The following HDAC8 variants were observed in gnomAD, a reference collection of about 807,000 sequenced individuals.
HDAC8 encodes the protein histone deacetylase 8.
A neutral mutation model predicts 32.2 loss-of-function variants in HDAC8; 1 was observed. The ratio of observed to expected loss-of-function variants is 0.03; its 90% CI spans 0.01 to 0.15. HDAC8 has a LOEUF of 0.15. Ranked by LOEUF, HDAC8 falls within the 10% of genes least tolerant of loss-of-function variation. HDAC8 has a pLI of 1.00. For missense variants in HDAC8, 117 were observed against 300.0 expected (o/e 0.39, Z 4.51); for synonymous variants, 108 against 113.9 (o/e 0.95, Z 0.33).
chrX:72,496,332 GAC>G (rs2049018251), intron 4 of HDAC8, among the ~76,000 whole-genome samples: 1 of 109,959 alleles, frequency 9.1e-6, no homozygotes, highest in Non-Finnish European at 1.9e-5. Flanking sequence ...GAATCAATAA[GAC>G]ATGTACACTG....
intron 9 of HDAC8, among the ~76,000 whole-genome samples, chrX:72,412,505 A>C (rs2046222145): frequency 8.9e-6 from 1 of 111,893 alleles, no homozygotes; most frequent in Non-Finnish European, 1.9e-5. Context: ...GGTAGCACCC[A>C]CACTTCTGCA....
rs192008806 is a variant in HDAC8 at position 72,441,325 on chromosome X, C to A, written c.1005+20679G>T. On this transcript the variant is annotated intron_variant, in intron 9 of 10. Coordinates refer to ENST00000373573, the MANE Select transcript of HDAC8 (RefSeq NM_018486.3). ...CTGACACCTCACACGGCCGGGTACT[C>A]CTCTGAGACAAAACTTCCAGAGGAA... Among the ~76,000 whole-genome samples, 9 of 111,989 alleles carry A rather than the reference C, an allele frequency of 8.0e-5. No homozygotes were observed. The East Asian group carries it at 2.5e-3, about 32-fold the overall frequency.
At chrX:72,539,294 C>T (rs2050625489) in intron 4 of HDAC8, among the ~76,000 whole-genome samples, 2 of 111,380 alleles carry the variant, frequency 1.8e-5, no homozygotes. Flanking sequence ...TGCAGTGGCA[C>T]GATCTCCGCT....
At chrX:72,473,835 C>T (rs1226022550) in intron 7 of HDAC8, 2 of 752,990 alleles carry the variant, frequency 2.7e-6, no homozygotes, top group Admixed American at 8.7e-5. Context: ...CCTTCAGTGG[C>T]TCCCAAAATG....
At chrX:72,504,026 AT>A (rs1466705937) in intron 4 of HDAC8, among the ~76,000 whole-genome samples, 3 of 112,273 alleles carry the variant, frequency 2.7e-5, no homozygotes, top group African/African-American at 9.7e-5. Flanking sequence ...GGCTTTTAAA[AT>A]TTCAAATTCA....
chrX:72,442,618 C>T (rs1555982473), intron 9 of HDAC8, among the ~76,000 whole-genome samples: 3 of 111,879 alleles, frequency 2.7e-5, no homozygotes, highest in Non-Finnish European at 5.6e-5. Context: ...TAGGAAGAAA[C>T]TGCATCAACT....
intron 5 of HDAC8, among the ~76,000 whole-genome samples, chrX:72,491,601 T>C (rs1556009725): frequency 8.9e-6 from 1 of 112,267 alleles, no homozygotes; most frequent in Non-Finnish European, 1.9e-5. Flanking sequence ...CATGGAAGGC[T>C]GAAAACAGCC....
intron 9 of HDAC8, among the ~76,000 whole-genome samples, chrX:72,438,209 G>C (rs1371193454): frequency 8.9e-6 from 1 of 111,985 alleles, no homozygotes; most frequent in East Asian, 2.8e-4. Flanking sequence ...ACAGCGTCTG[G>C]AGTGGACCTC....
At chrX:72,475,872 G>A (rs1282909575) in intron 7 of HDAC8, among the ~76,000 whole-genome samples, 5 of 110,963 alleles carry the variant, frequency 4.5e-5, no homozygotes, top group South Asian at 3.9e-4. Flanking sequence ...TATCCCTTTC[G>A]CTGTTTTAAT....
At chrX:72,556,248 A>C (rs1556092902) in intron 4 of HDAC8, among the ~76,000 whole-genome samples, 15 of 112,206 alleles carry the variant, frequency 1.3e-4, no homozygotes. Context: ...GAATTGCTAA[A>C]AATAAGCATA....
At chrX:72,340,876 A>T (rs185128995) in intron 10 of HDAC8, among the ~76,000 whole-genome samples, 1 of 111,818 alleles carries the variant, frequency 8.9e-6, no homozygotes, top group East Asian at 2.8e-4. Flanking sequence ...AGGGTGTGTC[A>T]CAAACATCTA....
Position 72,550,201 on chromosome X carries a change from C to A in HDAC8, c.437+17688G>T, listed in dbSNP as rs149744408. ...TCCACAACCAAAGAAGGTTAAGAACCACTGACTTAAAGGATCAAGTCCAAG... is the reference window on the plus strand; with the variant it reads ...TCCACAACCAAAGAAGGTTAAGAACAACTGACTTAAAGGATCAAGTCCAAG... On this transcript the variant is annotated intron_variant, in intron 4 of 10. Transcript: ENST00000373573. Among the ~76,000 whole-genome samples, 242 of 111,151 alleles carry A rather than the reference C, an allele frequency of 2.2e-3. 1 individual carries two copies. Among genetic ancestry groups the A allele is most frequent in the African/African-American group, 7.6e-3 (232 of 30,599 alleles).
intron 10 of HDAC8, among the ~76,000 whole-genome samples, chrX:72,340,192 G>A (rs1657306858): frequency 1.8e-5 from 2 of 111,859 alleles, no homozygotes; most frequent in Admixed American, 9.5e-5. Context: ...TGGAAGGATG[G>A]GCGCAAGTAA....
chrX:72,514,236 G>A (rs935763893), intron 4 of HDAC8, among the ~76,000 whole-genome samples: 8 of 112,230 alleles, frequency 7.1e-5, no homozygotes, highest in African/African-American at 2.3e-4. Flanking sequence ...ATGAATCTAT[G>A]AAATAGTTTC....
At chrX:72,433,687 TG>T (rs1347474753) in intron 9 of HDAC8, among the ~76,000 whole-genome samples, 2 of 112,211 alleles carry the variant, frequency 1.8e-5, no homozygotes, top group African/African-American at 6.5e-5. Flanking sequence ...ACCACTTGTT[TG>T]GAGAAACCTT....
chrX:72,550,732 C>G (rs1269042488), intron 4 of HDAC8, among the ~76,000 whole-genome samples: 1 of 111,642 alleles, frequency 9.0e-6, no homozygotes, highest in Non-Finnish European at 1.9e-5. Flanking sequence ...ATTATCTTAG[C>G]CCCAGCAGTA....
At chrX:72,558,439 G>C (rs1472715842) in intron 4 of HDAC8, among the ~76,000 whole-genome samples, 1 of 111,839 alleles carries the variant, frequency 8.9e-6, no homozygotes, top group Non-Finnish European at 1.9e-5. Flanking sequence ...ACATACACAA[G>C]TCAATAAGTG....
chrX:72,400,014 CAT>C (rs1555966905), intron 9 of HDAC8, among the ~76,000 whole-genome samples: 1 of 111,664 alleles, frequency 9.0e-6, no homozygotes, highest in African/African-American at 3.3e-5. Context: ...TTCTCAGCAG[CAT>C]ATGACACAGT....
At chrX:72,475,476 C>G (rs2048305082) in intron 7 of HDAC8, among the ~76,000 whole-genome samples, 1 of 111,721 alleles carries the variant, frequency 9.0e-6, no homozygotes. Flanking sequence ...TTCTCTCAAT[C>G]CTATCTGAGC....
Sources: gnomAD v4.1 joint callset for allele counts (sites outside exome capture counted in the v4.1 genomes callset) on GRCh38, gnomAD v4.1.1 for gene constraint, MANE v1.5 for transcripts, NCBI Gene and HGNC (gene_info 2026-07-23, HGNC 2026-07-21) for gene names.